WASF3: variants seen among roughly 807,000 people sequenced by gnomAD.
WASF3 encodes the protein WASP family member 3, also known as actin-binding protein WASF3.
A neutral mutation model predicts 46.6 loss-of-function variants in WASF3; 11 were observed. The ratio of observed to expected loss-of-function variants is 0.24; its 90% CI spans 0.15 to 0.39. The LOEUF (loss-of-function observed/expected upper bound fraction) is 0.39. Ranked by LOEUF, WASF3 falls within the 10% of genes least tolerant of loss-of-function variation. WASF3 has a pLI of 1.00. For synonymous variants in WASF3, 242 were observed against 259.7 expected (o/e 0.93, Z 0.65); for missense variants, 576 against 669.8 (o/e 0.86, Z 1.55).
chr13:26,671,981 C>A lies in WASF3; in HGVS notation c.532C>A (p.Arg178Ser), dbSNP rs1471633236. ...DTEDKRKEKR[R>S]QKEQKRIDGT... ...AGAAGACAAAAGGAAAGAGAAAAGG[C>A]GTCAAAAGGTAAATAATTTCAGTAT... Residue 178 changes from arginine to serine, a missense_variant, in exon 6 of 10, where the codon CGT becomes AGT. Around this residue, in one of 3 missense-constraint regions of WASF3, gnomAD observed 213 missense variants for 278.0 expected, o/e 0.77. Transcript: ENST00000335327. The A allele has an allele frequency of 6.2e-7, 1 of 1,600,340 alleles. No homozygotes were observed. The highest frequency in any genetic ancestry group is 8.5e-7 in the Non-Finnish European group (1 of 1,172,692).
chr13:26,580,718 C>T (rs1466182738), intron 1 of WASF3, among the ~76,000 whole-genome samples: 6 of 151,248 alleles, frequency 4.0e-5, no homozygotes, highest in South Asian at 2.1e-4. Flanking sequence ...CTCCGCCTCC[C>T]GGGTTCAAGC....
chr13:26,648,886 C>G (rs563538334), intron 3 of WASF3, among the ~76,000 whole-genome samples: 2 of 152,154 alleles, frequency 1.3e-5, no homozygotes, highest in Non-Finnish European at 2.9e-5. Flanking sequence ...GATTCACACT[C>G]TCATTACCCA....
chr13:26,615,132 T>A (rs919883465), intron 2 of WASF3, among the ~76,000 whole-genome samples: 46 of 152,202 alleles, frequency 3.0e-4, no homozygotes, highest in African/African-American at 1.1e-3. Context: ...GCTAAATGTG[T>A]CTTTCCTGTC....
chr13:26,627,397 G>T, intron 2 of WASF3, among the ~76,000 whole-genome samples: 1 of 152,086 alleles, frequency 6.6e-6, no homozygotes, highest in South Asian at 2.1e-4. Flanking sequence ...CAGAGGTGGG[G>T]TGTACATTTA....
chr13:26,596,461 G>A (rs1484730644), intron 1 of WASF3, among the ~76,000 whole-genome samples: 1 of 151,676 alleles, frequency 6.6e-6, no homozygotes, highest in African/African-American at 2.4e-5. Context: ...ATCATATTCT[G>A]ACTTTAATTA....
At chr13:26,594,068 CTT>C (rs1476230875) in intron 1 of WASF3, among the ~76,000 whole-genome samples, 1 of 152,152 alleles carries the variant, frequency 6.6e-6, no homozygotes, top group Non-Finnish European at 1.5e-5. Flanking sequence ...ATTTAAGGCT[CTT>C]AACATATAAT....
intron 1 of WASF3, among the ~76,000 whole-genome samples, chr13:26,558,962 A>T (rs1296485558): frequency 6.6e-6 from 1 of 152,222 alleles, no homozygotes; most frequent in Non-Finnish European, 1.5e-5. Context: ...AAAGTATTGT[A>T]ATTGACTAAT....
chr13:26,674,913 A>G (rs980664607), intron 6 of WASF3, among the ~76,000 whole-genome samples: 5 of 152,312 alleles, frequency 3.3e-5, no homozygotes, highest in African/African-American at 1.2e-4. Context: ...CTTTCTTTTG[A>G]TGAAAGATTG....
At chr13:26,647,876 G>A (rs1882197144) in intron 3 of WASF3, among the ~76,000 whole-genome samples, 1 of 152,036 alleles carries the variant, frequency 6.6e-6, no homozygotes. Context: ...AGAAAAAATT[G>A]TAATACTTTG....
At chr13:26,547,428 C>T in the WASF3 span, among the ~76,000 whole-genome samples, 1 of 134,954 alleles carries the variant, frequency 7.4e-6, no homozygotes, top group Non-Finnish European at 1.6e-5. Context: ...ACACACACAC[C>T]CATCATATAC....
In WASF3 at chr13:26,682,178, C is replaced by T. The variant is rs1424594750; in HGVS notation, c.984-429C>T. Among the ~76,000 whole-genome samples the T allele has an allele frequency of 6.6e-6, 1 of 152,224 alleles. No homozygotes were observed. The highest frequency in any genetic ancestry group is 1.5e-5 in the Non-Finnish European group (1 of 68,046). ...TTGATACACACCTGGGCACTGCAGG[C>T]ATGGGGCATTTCCACGGAGGTGGGT... On this transcript the variant is annotated intron_variant, in intron 8 of 9. Transcript: ENST00000335327. This position sits in a 1 kb window ranked among gnomAD's most constrained non-coding sequence, Gnocchi z 4.4.
upstream of WASF3, among the ~76,000 whole-genome samples, chr13:26,556,325 C>T (rs542066): frequency 0.83 from 126,164 of 152,228 alleles, 52,355 homozygotes; most frequent in East Asian, 0.9. Context: ...ATGACCTAAA[C>T]ATAGACATGG....
chr13:26,633,200 C>CTTTGTTTTTTTTTTTTTTTT (rs1555252679), intron 2 of WASF3, among the ~76,000 whole-genome samples: 1 of 90,420 alleles, frequency 1.1e-5, no homozygotes, highest in Non-Finnish European at 2.1e-5. Context: ...TTAGTTATTT[C>CTTTGTTTTTTTTTTTTTTTT]TTTTTTTTTT....
intron 2 of WASF3, among the ~76,000 whole-genome samples, chr13:26,626,628 T>C (rs758006900): frequency 2.6e-5 from 4 of 152,112 alleles, no homozygotes; most frequent in Non-Finnish European, 4.4e-5. Context: ...AACCGTATGC[T>C]CTCCAAAATA....
At chr13:26,554,261 C>A (rs780929882), upstream of WASF3, among the ~76,000 whole-genome samples, 1 of 151,856 alleles carries the variant, frequency 6.6e-6, no homozygotes, top group Non-Finnish European at 1.5e-5. Context: ...TTCTGAGTGG[C>A]TGGGACTACA....
chr13:26,574,332 TTC>T (rs1879727847), intron 1 of WASF3, among the ~76,000 whole-genome samples: 1 of 152,194 alleles, frequency 6.6e-6, no homozygotes, highest in Non-Finnish European at 1.5e-5. Context: ...TATGGTGTGT[TTC>T]TATTTATTTA....
chr13:26,645,688 T>C (rs1219717281), intron 3 of WASF3, among the ~76,000 whole-genome samples: 2 of 152,048 alleles, frequency 1.3e-5, no homozygotes, highest in African/African-American at 4.8e-5. Context: ...AATATAAATA[T>C]AAATGTGAGA....
At chr13:26,618,555 T>A (rs1465011862) in intron 2 of WASF3, among the ~76,000 whole-genome samples, 1 of 149,150 alleles carries the variant, frequency 6.7e-6, no homozygotes, top group Non-Finnish European at 1.5e-5. Context: ...AATGGCATAC[T>A]GTAATTATGA....
chr13:26,685,636 A>C, intron 9 of WASF3, 52 bp from the exon 10 acceptor site: 1 of 1,592,014 alleles, frequency 6.3e-7, no homozygotes, highest in Non-Finnish European at 8.6e-7. Flanking sequence ...GTTTATCTTT[A>C]ATTTGGAGCC....
Sources: allele counts gnomAD v4.1 joint callset (sites outside exome capture counted in the v4.1 genomes callset), GRCh38; gene constraint gnomAD v4.1.1; regional missense constraint gnomAD v4.1.1; non-coding constraint Gnocchi (gnomAD v3.1); transcripts MANE v1.5; gene names NCBI Gene and HGNC (gene_info 2026-07-23, HGNC 2026-07-21).